Variants in MCC observed in about 807,000 individuals in gnomAD.
MCC encodes the protein colorectal mutant cancer protein.
MCC carries 90 observed loss-of-function variants against 116.2 expected under a neutral mutation model. The observed-to-expected ratio is 0.77, with a 90% confidence interval of 0.65 to 0.92. MCC has a LOEUF of 0.92. MCC is among the 40% of genes least tolerant of loss of function. The pLI is 0.00. For missense variants in MCC, 1,516 were observed against 1,312.2 expected (o/e 1.16, Z -2.40); for synonymous variants, 578 against 510.5 (o/e 1.13, Z -1.78).
At chr5:113,106,523 T>A (rs1037806586) in intron 6 of MCC, among the ~76,000 whole-genome samples, 2 of 152,200 alleles carry the variant, frequency 1.3e-5, no homozygotes, top group Admixed American at 6.5e-5. Flanking sequence ...GCTGATTTTT[T>A]AAAATTTTAA....
Position 113,277,473 on chromosome 5 carries a change from A to T in MCC, c.627+63046T>A, listed in dbSNP as rs193226006. Among the ~76,000 whole-genome samples the T allele has an allele frequency of 3.9e-5, 6 of 152,212 alleles. No individual in the cohort carries two copies. The East Asian group carries it at 1.2e-3, about 29-fold the overall frequency. ...TGTATGAATATGCACTATTTTTATGATCATGCCTGCATACTCCTTACTCTT... is the reference window on the plus strand; with the variant it reads ...TGTATGAATATGCACTATTTTTATGTTCATGCCTGCATACTCCTTACTCTT... On this transcript the variant is annotated intron_variant, in intron 3 of 18. Coordinates refer to ENST00000408903, the MANE Select transcript of MCC (RefSeq NM_001085377.2).
At chr5:113,170,998 C>T (rs954981099) in intron 3 of MCC, among the ~76,000 whole-genome samples, 24 of 152,058 alleles carry the variant, frequency 1.6e-4, no homozygotes, top group African/African-American at 5.6e-4. Context: ...AAAGCTTTGG[C>T]TTCAGTGGCT....
intron 14 of MCC, among the ~76,000 whole-genome samples, chr5:113,057,964 G>A (rs1752953730): frequency 6.6e-6 from 1 of 152,166 alleles, no homozygotes. Flanking sequence ...CCAGTTACTT[G>A]GGAGGTTTCA....
chr5:113,115,367 CA>C (rs533415718), intron 6 of MCC, among the ~76,000 whole-genome samples: 6 of 152,310 alleles, frequency 3.9e-5, no homozygotes, highest in African/African-American at 1.4e-4. Flanking sequence ...TTTCTTTTCT[CA>C]AAGCAATCGA....
chr5:113,287,206 G>C lies in MCC; in HGVS notation c.627+53313C>G, dbSNP rs149434733. Among the ~76,000 whole-genome samples the C allele has an allele frequency of 6.9e-4, 104 of 151,812 alleles. 1 individual carries two copies. In the Middle Eastern group the frequency reaches 0.017, roughly 25 times the overall value. ...CAATTCTTGTTGTCTTCTTTGGCTTGTCTGATTTTATAACCTTGCCAACAC... is the reference window on the plus strand; with the variant it reads ...CAATTCTTGTTGTCTTCTTTGGCTTCTCTGATTTTATAACCTTGCCAACAC... On this transcript the variant is annotated intron_variant, in intron 3 of 18. Coordinates refer to ENST00000408903, the MANE Select transcript of MCC (RefSeq NM_001085377.2).
At chr5:113,361,588 A>G (rs187865652) in intron 2 of MCC, among the ~76,000 whole-genome samples, 112 of 152,284 alleles carry the variant, frequency 7.4e-4, no homozygotes, top group Admixed American at 3.7e-3. Flanking sequence ...TTAGGTGTCA[A>G]TTTGACTGGT....
chr5:113,144,095 T>C (rs1043926218), intron 4 of MCC, among the ~76,000 whole-genome samples: 1 of 152,144 alleles, frequency 6.6e-6, no homozygotes, highest in Admixed American at 6.5e-5. Context: ...ATGGAATGAA[T>C]GGATGACGAT....
At chr5:113,345,525 T>C (rs923452327) in intron 2 of MCC, among the ~76,000 whole-genome samples, 4 of 152,186 alleles carry the variant, frequency 2.6e-5, no homozygotes, top group Admixed American at 6.5e-5. Context: ...ACAGGGGTGG[T>C]TGCATCACCA....
At chr5:113,465,813 C>T (rs771088088) in intron 1 of MCC, among the ~76,000 whole-genome samples, 2 of 152,046 alleles carry the variant, frequency 1.3e-5, no homozygotes, top group Non-Finnish European at 2.9e-5. Flanking sequence ...ATACCATATT[C>T]AGATGTTAGA....
chr5:113,195,395 A>T (rs1424140306), intron 3 of MCC, among the ~76,000 whole-genome samples: 2 of 152,166 alleles, frequency 1.3e-5, no homozygotes. Flanking sequence ...ACCAGATACA[A>T]ACTGTCTGCT....
intron 4 of MCC, among the ~76,000 whole-genome samples, chr5:113,150,346 C>T (rs1759778387): frequency 6.6e-6 from 1 of 152,118 alleles, no homozygotes; most frequent in Non-Finnish European, 1.5e-5. Flanking sequence ...GACGTCAAAT[C>T]CCATACAAAG....
chr5:113,028,671 A>T (rs1750745181), intron 18 of MCC, among the ~76,000 whole-genome samples: 1 of 152,222 alleles, frequency 6.6e-6, no homozygotes, highest in African/African-American at 2.4e-5. Context: ...ACATAATACC[A>T]GGAGGCATAT....
chr5:113,166,245 T>C (rs1760760290), intron 3 of MCC, among the ~76,000 whole-genome samples: 1 of 152,146 alleles, frequency 6.6e-6, no homozygotes, highest in Non-Finnish European at 1.5e-5. Context: ...ATTTCCAACC[T>C]AGATAAAAAT....
chr5:113,029,774 A>G (rs535003102), intron 17 of MCC, among the ~76,000 whole-genome samples: 2 of 152,270 alleles, frequency 1.3e-5, no homozygotes, highest in South Asian at 4.1e-4. Context: ...AACACTAATC[A>G]AAGCCTTCTC....
intron 3 of MCC, chr5:113,294,781 G>A (rs1324592736): frequency 3.0e-6 from 3 of 988,468 alleles, no homozygotes; most frequent in South Asian, 9.4e-5. Context: ...AGCACGAGCC[G>A]ACACCCTAGA....
At chr5:113,248,634 G>A (rs498360) in intron 3 of MCC, among the ~76,000 whole-genome samples, 38,012 of 151,886 alleles carry the variant, frequency 0.25, 4,974 homozygotes, top group African/African-American at 0.31. Context: ...CCCTCTAAAT[G>A]CCAAGAGACA....
intron 3 of MCC, among the ~76,000 whole-genome samples, chr5:113,328,511 T>C (rs145276883): frequency 2.9e-4 from 44 of 152,308 alleles, no homozygotes; most frequent in African/African-American, 1.0e-3. Flanking sequence ...CTTTTAAGTC[T>C]AGCTGAAAAC....
At chr5:113,444,613 G>A (rs1156368330) in intron 1 of MCC, among the ~76,000 whole-genome samples, 1 of 152,188 alleles carries the variant, frequency 6.6e-6, no homozygotes, top group East Asian at 1.9e-4. Flanking sequence ...TTGGCCTTCA[G>A]ATCAATGCTT....
chr5:113,352,663 C>T (rs1054394161), intron 2 of MCC, among the ~76,000 whole-genome samples: 14 of 143,254 alleles, frequency 9.8e-5, no homozygotes, highest in African/African-American at 2.7e-4. Flanking sequence ...TGCATCAGCA[C>T]GGGGGGCAGT....
Sources: gnomAD v4.1 joint callset for allele counts (sites outside exome capture counted in the v4.1 genomes callset) on GRCh38, gnomAD v4.1.1 for gene constraint, MANE v1.5 for transcripts, NCBI Gene and HGNC (gene_info 2026-07-23, HGNC 2026-07-21) for gene names.